Variants in TBC1D30 observed in about 807,000 individuals in gnomAD.
TBC1D30 encodes the protein TBC1 domain family, member 30.
A neutral mutation model predicts 63.2 loss-of-function variants in TBC1D30; 31 were observed. The ratio of observed to expected loss-of-function variants is 0.49; its 90% confidence interval spans 0.37 to 0.66. TBC1D30 has a LOEUF of 0.66. Ranked by LOEUF, TBC1D30 falls within the 30% of genes least tolerant of loss-of-function variation. The pLI, the probability that TBC1D30 is intolerant of heterozygous loss-of-function variation, is 0.00. For missense variants in TBC1D30, 810 were observed against 953.6 expected, an observed-to-expected ratio of 0.85 and a Z score of 1.98; for synonymous variants, 307 against 361.5, an observed-to-expected ratio of 0.85 and a Z score of 1.71.
At chr12:64,793,059 G>T (rs1242687215) in intron 2 of TBC1D30, among the ~76,000 whole-genome samples, 1 of 152,166 alleles carries the variant, frequency 6.6e-6, no homozygotes, top group Non-Finnish European at 1.5e-5. Context: ...GAGCAAGCTC[G>T]CTGGGTGTGG....
At chr12:64,797,020 C>G (rs958036706) in intron 2 of TBC1D30, among the ~76,000 whole-genome samples, 2 of 90,362 alleles carry the variant, frequency 2.2e-5, no homozygotes, top group African/African-American at 9.1e-5. Context: ...AAGTATCATT[C>G]TCCTCTGCAA....
In TBC1D30 at chr12:64,875,353, A is replaced by C. The variant is rs1168169336; in HGVS notation, c.1851A>C (p.Thr617=). ...AEAFPSGCTA[T]AGREGSSPEG... ...CATTCCCCTCTGGTTGTACAGCGAC[A>C]GCTGGGAGAGAAGGCAGCAGCCCTG... Residue 617 remains threonine (T), a synonymous_variant, in exon 12 of 12, where the codon ACA becomes ACC. Coordinates refer to ENST00000539867, the MANE Select transcript of TBC1D30 (RefSeq NM_015279.2). The C allele has an allele frequency of 1.3e-6, 2 of 1,536,160 alleles. No individual in the cohort carries two copies. The highest frequency in any genetic ancestry group is 4.9e-5 in the East Asian group (2 of 40,926).
intron 2 of TBC1D30, among the ~76,000 whole-genome samples, chr12:64,813,836 T>G (rs1873363020): frequency 6.6e-6 from 1 of 152,198 alleles, no homozygotes; most frequent in African/African-American, 2.4e-5. Context: ...TTTTCTGTCT[T>G]TTTAAAGTTC....
In TBC1D30 at chr12:64,828,478, C is replaced by T; in HGVS notation, c.251C>T (p.Ser84Phe). 1 of 1,535,778 alleles carries T rather than the reference C, an allele frequency of 6.5e-7. No individual in the cohort carries two copies. Among genetic ancestry groups the T allele is most frequent in the Non-Finnish European group, 8.7e-7 (1 of 1,146,704 alleles). The part of the protein sequence containing the change: ...YDALKAVARL[S>F]TGIPKEWRRK... ...GCTCTCAAGGCAGTTGCCAGGCTAT[C>T]CACAGGAATACCAAAGGAATGGAGG... Residue 84 changes from serine to phenylalanine, a missense_variant, in exon 3 of 12, where the codon TCC becomes TTC. Around this residue, in one of 4 missense-constraint regions of TBC1D30, gnomAD observed 272 missense variants for 335.9 expected, o/e 0.81. Transcript: ENST00000539867.
At position 64,848,893 on chromosome 12, in the gene TBC1D30, AGT is replaced by A. The variant is rs951610167; in HGVS notation, c.1038+5411_1038+5412del. ...TGAACTAATTTACACTCCCACCAACAGTGTAAAAGCATTCCTATTTCTCCACA... is the reference window on the plus strand; with the variant it reads ...TGAACTAATTTACACTCCCACCAACAGTAAAAGCATTCCTATTTCTCCACA... On this transcript the variant is annotated intron_variant, in intron 8 of 11. Coordinates refer to ENST00000539867, the MANE Select transcript of TBC1D30 (RefSeq NM_015279.2). Among the ~76,000 whole-genome samples the A allele has an allele frequency of 3.0e-4, 46 of 152,354 alleles. 1 individual carries two copies. The highest frequency in any genetic ancestry group is 1.1e-3 in the African/African-American group (46 of 41,588).
chr12:64,781,121 G>A (rs1369090773), exon 1 of TBC1D30: 6 of 1,006,546 alleles, frequency 6.0e-6, no homozygotes, highest in Non-Finnish European at 5.9e-6. Flanking sequence ...GGGCCGCGGG[G>A]CCGAGGGCCG....
At chr12:64,820,567 C>T (rs1238897333), upstream of TBC1D30, among the ~76,000 whole-genome samples, 1 of 152,176 alleles carries the variant, frequency 6.6e-6, no homozygotes, top group Non-Finnish European at 1.5e-5. Flanking sequence ...CCATTGTAGA[C>T]TGTGGCAGTG....
rs58531661 is a variant in TBC1D30 at position 64,791,680 on chromosome 12, TTG to T, written c.643+5651_643+5652del. Among the ~76,000 whole-genome samples, 66 of 150,280 alleles carry T rather than the reference TTG, an allele frequency of 4.4e-4. No individual in the cohort carries two copies. The East Asian group carries it at 7.0e-3, about 16-fold the overall frequency. On this transcript the variant is annotated intron_variant, in intron 2 of 12. Coordinates refer to the TBC1D30 transcript ENST00000542120. ...GTGTGTGCCACCACACCTGGCTAAT[TTG>T]TGTGTGTGTGTGTGTTTGTGTGTGT...
upstream of TBC1D30, among the ~76,000 whole-genome samples, chr12:64,776,617 T>C (rs1871088820): frequency 6.6e-6 from 1 of 152,070 alleles, no homozygotes; most frequent in Non-Finnish European, 1.5e-5. Flanking sequence ...CAGTAATAAA[T>C]AGCCTAACAA....
chr12:64,852,910 A>G (rs774681096), intron 8 of TBC1D30, among the ~76,000 whole-genome samples: 1 of 152,082 alleles, frequency 6.6e-6, no homozygotes, highest in Admixed American at 6.5e-5. Flanking sequence ...GCTCTCCTCT[A>G]TGAGGTGTCT....
At chr12:64,807,918 G>GTTTTTATTTTTTTT in intron 2 of TBC1D30, among the ~76,000 whole-genome samples, 1 of 93,526 alleles carries the variant, frequency 1.1e-5, no homozygotes, top group Non-Finnish European at 1.9e-5. Flanking sequence ...CCTAATTTAA[G>GTTTTTATTTTTTTT]TTTTTTTTTT....
chr12:64,776,177 T>C (rs978755869), upstream of TBC1D30, among the ~76,000 whole-genome samples: 1 of 152,018 alleles, frequency 6.6e-6, no homozygotes, highest in Non-Finnish European at 1.5e-5. Flanking sequence ...AGATCTCAAG[T>C]TAACAACCTA....
At chr12:64,844,116 C>T (rs1835797852) in intron 8 of TBC1D30, among the ~76,000 whole-genome samples, 2 of 152,088 alleles carry the variant, frequency 1.3e-5, no homozygotes, top group Admixed American at 1.3e-4. Flanking sequence ...TGGGGGGAAA[C>T]ACTTATTGTG....
chr12:64,787,039 G>A (rs955887848), intron 2 of TBC1D30, among the ~76,000 whole-genome samples: 1 of 152,146 alleles, frequency 6.6e-6, no homozygotes, highest in African/African-American at 2.4e-5. Flanking sequence ...CTTATTCTGT[G>A]TTGCTACAGT....
At chr12:64,839,658 G>T (rs1372058864) in intron 7 of TBC1D30, among the ~76,000 whole-genome samples, 1 of 152,130 alleles carries the variant, frequency 6.6e-6, no homozygotes, top group Non-Finnish European at 1.5e-5. Context: ...TGTATTTATG[G>T]TAAGTTGTTT....
At chr12:64,821,310 C>T (rs774779291), upstream of TBC1D30, among the ~76,000 whole-genome samples, 10 of 152,316 alleles carry the variant, frequency 6.6e-5, no homozygotes, top group African/African-American at 9.6e-5. Flanking sequence ...GTGAGCATGA[C>T]GTCAGAGCCA....
chr12:64,844,714 C>T (rs1010128118), intron 8 of TBC1D30, among the ~76,000 whole-genome samples: 6 of 152,336 alleles, frequency 3.9e-5, no homozygotes, highest in African/African-American at 1.4e-4. Context: ...TACTGTCTAT[C>T]TCTATCAGTT....
chr12:64,769,539 G>T (rs1286563186), intron 1 of TBC1D30, among the ~76,000 whole-genome samples: 2 of 131,380 alleles, frequency 1.5e-5, no homozygotes, highest in Non-Finnish European at 3.2e-5. Context: ...ACCACGCTGG[G>T]CTATTTTTTT....
chr12:64,832,960 A>G (rs1875003846), intron 5 of TBC1D30, among the ~76,000 whole-genome samples: 1 of 152,168 alleles, frequency 6.6e-6, no homozygotes, highest in Non-Finnish European at 1.5e-5. Flanking sequence ...TTGTAGCCAA[A>G]CATCAGAAGT....
Sources: allele counts gnomAD v4.1 joint callset (sites outside exome capture counted in the v4.1 genomes callset), GRCh38; gene constraint gnomAD v4.1.1; regional missense constraint gnomAD v4.1.1; transcripts MANE v1.5; gene names NCBI Gene and HGNC (gene_info 2026-07-23, HGNC 2026-07-21).